The following TENM3 variants were observed in gnomAD, a reference collection of about 807,000 sequenced individuals.
The protein encoded by TENM3 is teneurin transmembrane protein 3, also known as teneurin-3.
In TENM3, 63 loss-of-function variants were observed where a neutral mutation model predicts 255.1. That is an observed-to-expected ratio of 0.25 (90% CI 0.20 to 0.30). The LOEUF is 0.30. TENM3 is among the 10% of genes least tolerant of loss of function. TENM3 has a pLI of 1.00. For missense variants in TENM3, 2,929 were observed against 3,461.1 expected (o/e 0.85, Z 3.86); for synonymous variants, 1,306 against 1,322.3 (o/e 0.99, Z 0.27).
intron 3 of TENM3, among the ~76,000 whole-genome samples, chr4:182,487,516 C>T (rs1260431015): frequency 6.6e-6 from 1 of 151,968 alleles, no homozygotes; most frequent in Non-Finnish European, 1.5e-5. Context: ...TTATTTGGAA[C>T]CTTGGTGTAT....
chr4:182,650,554 C>T (rs1753162236), intron 5 of TENM3, among the ~76,000 whole-genome samples: 1 of 149,848 alleles, frequency 6.7e-6, no homozygotes, highest in South Asian at 2.2e-4. Context: ...ATTTCTGTAG[C>T]ATTCTTGACT....
chr4:182,627,337 G>T (rs1395216114), intron 4 of TENM3, among the ~76,000 whole-genome samples: 2 of 152,082 alleles, frequency 1.3e-5, no homozygotes, highest in Middle Eastern at 3.4e-3. Context: ...TCAGTAACTC[G>T]CCAGGGACAC....
the TENM3 span, among the ~76,000 whole-genome samples, chr4:181,460,179 T>A: frequency 6.6e-6 from 1 of 152,028 alleles, no homozygotes; most frequent in African/African-American, 2.4e-5. Context: ...TGCAATGTAA[T>A]AAAATTTACT....
the TENM3 span, among the ~76,000 whole-genome samples, chr4:181,898,261 T>TACACACACAC: frequency 6.7e-6 from 1 of 149,886 alleles, no homozygotes; most frequent in African/African-American, 2.4e-5. Context: ...CATCTGCAGC[T>TACACACACAC]ACACACACAC....
chr4:182,302,978 C>T (rs924790456), intron 1 of TENM3, among the ~76,000 whole-genome samples: 1 of 152,098 alleles, frequency 6.6e-6, no homozygotes, highest in African/African-American at 2.4e-5. Flanking sequence ...ATACATCTCA[C>T]TTTATCAGTC....
the TENM3 span, among the ~76,000 whole-genome samples, chr4:182,047,291 C>A: frequency 0.11 from 17,362 of 152,022 alleles, 1,131 homozygotes; most frequent in Non-Finnish European, 0.14. Flanking sequence ...AGGCTGGACG[C>A]AGTGGCTCAT....
intron 1 of TENM3, among the ~76,000 whole-genome samples, chr4:182,204,532 G>T (rs1754420288): frequency 6.6e-6 from 1 of 152,124 alleles, no homozygotes; most frequent in South Asian, 2.1e-4. Context: ...ATACACCCCT[G>T]CGTCTTCCAG....
At chr4:182,513,000 G>T (rs924758302) in intron 3 of TENM3, among the ~76,000 whole-genome samples, 5 of 152,070 alleles carry the variant, frequency 3.3e-5, no homozygotes, top group African/African-American at 1.2e-4. Flanking sequence ...AAAACGTTTT[G>T]GCATTTTGAG....
chr4:182,493,283 G>A (rs1735471984), intron 3 of TENM3, among the ~76,000 whole-genome samples: 2 of 152,224 alleles, frequency 1.3e-5, no homozygotes, highest in South Asian at 4.1e-4. Context: ...AGCATTCTGA[G>A]AGTACCATTG....
chr4:181,821,518 C>T, the TENM3 span: 7 of 152,254 alleles, frequency 4.6e-5, no homozygotes, highest in African/African-American at 1.2e-4. Flanking sequence ...ATTTATAAGT[C>T]GAATGAATAC....
intron 1 of TENM3, among the ~76,000 whole-genome samples, chr4:182,293,521 A>C (rs747177757): frequency 6.6e-6 from 1 of 152,188 alleles, no homozygotes. Context: ...AAAGTTGGCG[A>C]GACCTAATGA....
the TENM3 span, among the ~76,000 whole-genome samples, chr4:181,740,879 G>A: frequency 6.6e-6 from 1 of 152,052 alleles, no homozygotes; most frequent in Non-Finnish European, 1.5e-5. Flanking sequence ...TGTACCTACT[G>A]TTTCAAATTG....
At chr4:181,465,763 C>T in the TENM3 span, among the ~76,000 whole-genome samples, 2 of 152,144 alleles carry the variant, frequency 1.3e-5, no homozygotes, top group African/African-American at 4.8e-5. Context: ...CTTCCCCCTT[C>T]ACTTTAGTAG....
At chr4:181,461,338 T>C in the TENM3 span, among the ~76,000 whole-genome samples, 2 of 152,142 alleles carry the variant, frequency 1.3e-5, no homozygotes, top group African/African-American at 4.8e-5. Context: ...AGCAATTTGA[T>C]TATTTTGTGC....
chr4:182,801,064 C>G lies in TENM3; in HGVS notation c.*713C>G, dbSNP rs1766921412. 1 of 152,464 alleles carries G rather than the reference C, an allele frequency of 6.6e-6. No homozygotes were observed. The highest frequency in any genetic ancestry group is 6.5e-5 in the Admixed American group (1 of 15,270). 9.4% of individuals were successfully genotyped at this position (152,464 alleles called of 1,614,324 possible). A position where few individuals can be genotyped will look rare whatever the true frequency, so the allele number is the denominator to read the frequency against. On this transcript the variant is annotated 3_prime_UTR_variant, in exon 28 of 28. Coordinates refer to ENST00000511685, the MANE Select transcript of TENM3 (RefSeq NM_001080477.4). ...TTTACTGTACATCAAATCTTAGTCTCAGAGGAGTTAATTTATGTAAAGTGT... is the reference window on the plus strand; with the variant it reads ...TTTACTGTACATCAAATCTTAGTCTGAGAGGAGTTAATTTATGTAAAGTGT...
chr4:182,559,682 C>T (rs539143361), intron 3 of TENM3, among the ~76,000 whole-genome samples: 1 of 152,104 alleles, frequency 6.6e-6, no homozygotes, highest in South Asian at 2.1e-4. Flanking sequence ...TTTCATTCCA[C>T]GGTCATTTTA....
the TENM3 span, among the ~76,000 whole-genome samples, chr4:181,743,910 C>T: frequency 4.6e-5 from 7 of 151,912 alleles, no homozygotes; most frequent in African/African-American, 1.2e-4. Flanking sequence ...ACAGATCATC[C>T]CCATCACCTA....
the TENM3 span, among the ~76,000 whole-genome samples, chr4:181,641,416 G>A: frequency 2.0e-5 from 3 of 150,836 alleles, 1 homozygote; most frequent in Admixed American, 2.0e-4. Flanking sequence ...TCCCACTTAT[G>A]AGTGAGAACA....
the TENM3 span, among the ~76,000 whole-genome samples, chr4:181,876,432 CTTATT>C: frequency 1.2e-3 from 179 of 152,162 alleles, no homozygotes; most frequent in African/African-American, 4.1e-3. Context: ...GTCAGAGGCA[CTTATT>C]TTGAGAGAGT....
Sources: allele counts gnomAD v4.1 joint callset (sites outside exome capture counted in the v4.1 genomes callset), GRCh38; gene constraint gnomAD v4.1.1; transcripts MANE v1.5; gene names NCBI Gene and HGNC (gene_info 2026-07-23, HGNC 2026-07-21).